Variants in ATG10 observed in about 807,000 individuals in gnomAD.
ATG10 encodes the protein autophagy related 10, also known as ubiquitin-like-conjugating enzyme ATG10.
A neutral mutation model predicts 32.1 loss-of-function variants in ATG10; 30 were observed. That is an observed-to-expected ratio of 0.94 (90% CI 0.70 to 1.27). ATG10 has a LOEUF of 1.27. Ranked by LOEUF, ATG10 falls within the 50% of genes most tolerant of loss-of-function variation. The probability of loss-of-function intolerance (pLI) is 0.00; values close to 1 mark genes in which losing one functional copy is unlikely to be tolerated. For missense variants in ATG10, 233 were observed against 262.3 expected (o/e 0.89, Z 0.77); for synonymous variants, 87 against 91.5 (o/e 0.95, Z 0.28).
chr5:82,074,893 G>A (rs568707824), intron 3 of ATG10, among the ~76,000 whole-genome samples: 2 of 152,146 alleles, frequency 1.3e-5, no homozygotes, highest in African/African-American at 4.8e-5. Context: ...CTGCCAGAAA[G>A]CTCATTGTAA....
At chr5:82,015,622 C>A (rs904079901) in intron 2 of ATG10, among the ~76,000 whole-genome samples, 1 of 152,214 alleles carries the variant, frequency 6.6e-6, no homozygotes, top group Admixed American at 6.5e-5. Flanking sequence ...ATCGAATCAG[C>A]TACTGAAGCT....
chr5:82,166,425 A>G (rs960734268), intron 4 of ATG10, among the ~76,000 whole-genome samples: 2 of 152,218 alleles, frequency 1.3e-5, no homozygotes, highest in Non-Finnish European at 2.9e-5. Context: ...GTTCAGGTAC[A>G]TTAAAATATC....
At chr5:82,093,980 A>C (rs190722053) in intron 3 of ATG10, among the ~76,000 whole-genome samples, 2 of 152,158 alleles carry the variant, frequency 1.3e-5, no homozygotes, top group East Asian at 3.9e-4. Flanking sequence ...TGTTTCCTCT[A>C]ATTGTTTTGT....
At chr5:82,037,302 C>T (rs1762959331) in intron 2 of ATG10, among the ~76,000 whole-genome samples, 2 of 96,058 alleles carry the variant, frequency 2.1e-5, no homozygotes. Flanking sequence ...GGCTGGAGTG[C>T]AGTGGCGGGA....
chr5:81,978,358 C>T (rs949270065), intron 1 of ATG10, among the ~76,000 whole-genome samples: 17 of 152,210 alleles, frequency 1.1e-4, no homozygotes, highest in Admixed American at 1.1e-3. Context: ...GCATGAGCCA[C>T]TGCTCCTTTC....
chr5:81,996,459 C>T (rs956304334), intron 2 of ATG10, among the ~76,000 whole-genome samples: 3 of 152,132 alleles, frequency 2.0e-5, no homozygotes, highest in African/African-American at 4.8e-5. Context: ...AGGCTGGTCT[C>T]GAACTCCTGG....
intron 3 of ATG10, among the ~76,000 whole-genome samples, chr5:82,061,468 T>C (rs1444766107): frequency 6.6e-6 from 1 of 151,936 alleles, no homozygotes; most frequent in Non-Finnish European, 1.5e-5. Context: ...CTTAGTGTTT[T>C]AAAAGCCAGA....
Position 82,252,644 on chromosome 5 carries a change from C to G in ATG10, c.536C>G (p.Ser179Cys). The change falls in exon 6 of 8, where the codon TCT (serine) becomes TGT (cysteine). Residue 179 changes from serine (S) to cysteine (C), a missense_variant. By Grantham distance (112) the Ser-to-Cys change is moderately radical (BLOSUM62 -1). Coordinates refer to ENST00000282185, the MANE Select transcript of ATG10 (RefSeq NM_031482.5). ...NEFMTPVLKN[S>C]QKINKNVNYI... ...TTCATGACTCCTGTATTAAAGAATTCTCAGAAAATCAATAAGTAAGAAACA... is the reference window on the plus strand; with the variant it reads ...TTCATGACTCCTGTATTAAAGAATTGTCAGAAAATCAATAAGTAAGAAACA... 6.3e-7 allele frequency: 1 copy of G among 1,583,486 alleles called. No homozygotes were observed. Among genetic ancestry groups the G allele is most frequent in the Non-Finnish European group, 8.6e-7 (1 of 1,161,702 alleles).
intron 3 of ATG10, among the ~76,000 whole-genome samples, chr5:82,060,693 C>A (rs1763738688): frequency 6.6e-6 from 1 of 152,028 alleles, no homozygotes; most frequent in Non-Finnish European, 1.5e-5. Context: ...GTGAAACCCC[C>A]ATCTCTACTA....
chr5:82,155,697 G>A (rs1328877971), intron 3 of ATG10, among the ~76,000 whole-genome samples: 2 of 152,264 alleles, frequency 1.3e-5, no homozygotes, highest in East Asian at 3.9e-4. Context: ...TAAAAATAAT[G>A]ACTCTTTGTT....
chr5:82,111,041 A>T lies in ATG10; in HGVS notation c.216+52439A>T, dbSNP rs1765603329. 3.3e-5 allele frequency among the ~76,000 whole-genome samples: 5 copies of T among 151,948 alleles called. No individual in the cohort carries two copies. The South Asian group carries it at 1.0e-3, about 31-fold the overall frequency. ...GTTTAGAGTTATGGTTTTAGGATAC[A>T]TGTTTCTGTTTAGACCATATACATT... On this transcript the variant is annotated intron_variant, in intron 3 of 7. Coordinates refer to ENST00000282185, the MANE Select transcript of ATG10 (RefSeq NM_031482.5).
intron 3 of ATG10, among the ~76,000 whole-genome samples, chr5:82,064,588 C>T (rs772730416): frequency 2.0e-5 from 3 of 152,082 alleles, no homozygotes; most frequent in Non-Finnish European, 4.4e-5. Flanking sequence ...TTAATGCCTT[C>T]ATGTATTAAC....
At chr5:82,078,188 CCT>C (rs1261532820) in intron 3 of ATG10, among the ~76,000 whole-genome samples, 2 of 152,016 alleles carry the variant, frequency 1.3e-5, no homozygotes, top group African/African-American at 4.8e-5. Flanking sequence ...GGTTAGTTCC[CCT>C]CTTTTTAGTT....
intron 3 of ATG10, among the ~76,000 whole-genome samples, chr5:82,130,643 C>G (rs1206919698): frequency 6.6e-6 from 1 of 152,096 alleles, no homozygotes; most frequent in Non-Finnish European, 1.5e-5. Context: ...AGATGCCGCA[C>G]TCTGCTTTGG....
chr5:82,146,808 A>T (rs1767377174), intron 3 of ATG10, among the ~76,000 whole-genome samples: 1 of 152,048 alleles, frequency 6.6e-6, no homozygotes, highest in African/African-American at 2.4e-5. Flanking sequence ...TGTTTTTTAA[A>T]ATCAATATGA....
At chr5:82,021,055 C>A (rs973644773) in intron 2 of ATG10, among the ~76,000 whole-genome samples, 2 of 152,038 alleles carry the variant, frequency 1.3e-5, no homozygotes, top group African/African-American at 4.8e-5. Context: ...TGTATTCTTT[C>A]CAATGTATGA....
At chr5:82,200,994 C>T (rs748444474) in intron 5 of ATG10, among the ~76,000 whole-genome samples, 1 of 151,852 alleles carries the variant, frequency 6.6e-6, no homozygotes, top group East Asian at 1.9e-4. Context: ...AAGCAATTCT[C>T]CTGCCTCAGC....
At chr5:82,095,025 A>T (rs1765007649) in intron 3 of ATG10, among the ~76,000 whole-genome samples, 1 of 152,212 alleles carries the variant, frequency 6.6e-6, no homozygotes, top group African/African-American at 2.4e-5. Flanking sequence ...CTGTTCTTAT[A>T]TATAGAATAT....
intron 2 of ATG10, among the ~76,000 whole-genome samples, chr5:82,005,586 C>T (rs1761968993): frequency 6.6e-6 from 1 of 152,126 alleles, no homozygotes; most frequent in African/African-American, 2.4e-5. Context: ...TGAGCCACCG[C>T]ACATTTATAA....
Sources: gnomAD v4.1 joint callset for allele counts (sites outside exome capture counted in the v4.1 genomes callset) on GRCh38, gnomAD v4.1.1 for gene constraint, MANE v1.5 for transcripts, NCBI Gene and HGNC (gene_info 2026-07-23, HGNC 2026-07-21) for gene names.